The following GAB4 variants were observed in gnomAD, a reference collection of about 807,000 sequenced individuals.
GAB4 encodes GRB2 associated binding protein family member 4.
In GAB4, 26 loss-of-function variants were observed where a neutral mutation model predicts 51.3. That is an observed-to-expected ratio of 0.51 (90% CI 0.37 to 0.70). GAB4 has a LOEUF of 0.70. Ranked by LOEUF, GAB4 falls within the 30% of genes least tolerant of loss-of-function variation. The probability of loss-of-function intolerance (pLI) is 0.00; values close to 1 mark genes in which losing one functional copy is unlikely to be tolerated. For synonymous variants in GAB4, 329 were observed against 291.2 expected, an observed-to-expected ratio of 1.13 and a Z score of -1.32; for missense variants, 759 against 734.6, an observed-to-expected ratio of 1.03 and a Z score of -0.38.
At chr22:16,984,696 C>T (rs1278064629) in intron 3 of GAB4, among the ~76,000 whole-genome samples, 2 of 152,214 alleles carry the variant, frequency 1.3e-5, no homozygotes, top group Non-Finnish European at 2.9e-5. Context: ...TGTGGCAGTT[C>T]CAAGCTGTGC....
chr22:16,976,374 C>T (rs185539282), intron 3 of GAB4, among the ~76,000 whole-genome samples: 60 of 152,230 alleles, frequency 3.9e-4, no homozygotes, highest in African/African-American at 1.4e-3. Context: ...ATGAAGAATA[C>T]ACAAGTATCA....
chr22:17,006,566 T>C (rs570710130), intron 1 of GAB4, among the ~76,000 whole-genome samples: 3 of 152,362 alleles, frequency 2.0e-5, no homozygotes, highest in South Asian at 4.1e-4. Flanking sequence ...CGTATGTTTA[T>C]TGCAGCACTA....
intron 3 of GAB4, among the ~76,000 whole-genome samples, chr22:16,975,623 A>C (rs1400869837): frequency 6.6e-6 from 1 of 152,230 alleles, no homozygotes; most frequent in Non-Finnish European, 1.5e-5. Context: ...GGCTCTGAAG[A>C]AAGCAGCATA....
chr22:16,968,147 T>A (rs1429912622), intron 5 of GAB4, 151 bp downstream of exon 5: 20 of 624,486 alleles, frequency 3.2e-5, no homozygotes, highest in Non-Finnish European at 5.8e-5. Context: ...ATCCAAAAAC[T>A]GAACCTATGG....
At chr22:16,987,843 T>C (rs2060880498) in intron 3 of GAB4, 117 bp downstream of exon 3, 2 of 756,264 alleles carry the variant, frequency 2.6e-6, no homozygotes, top group East Asian at 2.8e-5. Context: ...TATGTTTGCT[T>C]ACCTGGAAAG....
rs573294492 is a variant in GAB4, at chr22:16,983,773, CCTAT to C, written c.686+4183_686+4186del. 1.5e-4 allele frequency among the ~76,000 whole-genome samples: 23 copies of C among 152,236 alleles called. No individual in the cohort carries two copies. In the East Asian group the frequency reaches 3.3e-3, roughly 22 times the overall value. On this transcript the variant is annotated intron_variant, in intron 3 of 9. Transcript: ENST00000400588. ...ATGAATGTATGAATGAAACTAGAGC[CCTAT>C]CTCTCACCCTATACAAAAATCAACT...
intron 2 of GAB4, among the ~76,000 whole-genome samples, chr22:16,989,639 AC>A (rs2060897526): frequency 6.6e-6 from 1 of 152,172 alleles, no homozygotes; most frequent in African/African-American, 2.4e-5. Flanking sequence ...TGAATGCTCT[AC>A]CAGTGGAGGA....
intron 3 of GAB4, among the ~76,000 whole-genome samples, chr22:16,987,696 C>T (rs1422435530): frequency 2.6e-5 from 4 of 152,102 alleles, no homozygotes; most frequent in African/African-American, 7.2e-5. Flanking sequence ...TTTTTCCCCA[C>T]AATCAAACAA....
Position 16,966,238 on chromosome 22 carries a change from T to G in GAB4, c.1150A>C (p.Ile384Leu). 3.1e-6 allele frequency: 5 copies of G among 1,614,000 alleles called. No individual in the cohort carries two copies. The highest frequency in any genetic ancestry group is 4.2e-6 in the Non-Finnish European group (5 of 1,180,014). Residue 384 changes from isoleucine (I) to leucine (L), a missense_variant, in exon 6 of 10, where the codon ATC (isoleucine) becomes CTC (leucine). This residue lies in a region of GAB4 where 588 missense variants were observed against 510.2 expected (regional missense o/e 1.15). Transcript: ENST00000400588. ...CGAACAAGACATGAGCCCACAGGGA[T>G]GCAGACACCCTGGGAATCATCGCCT... ...QAGDDSQGVC[I>L]PVGSCLVRFD...
chr22:16,965,259 G>A lies in GAB4; in HGVS notation c.1298C>T (p.Thr433Ile). 1 of 1,613,848 alleles carries A rather than the reference G, an allele frequency of 6.2e-7. No homozygotes were observed. Among genetic ancestry groups the A allele is most frequent in the Non-Finnish European group, 8.5e-7 (1 of 1,179,828 alleles). ...SLKPNQKANP[T>I]PPNLRNNRVI... ...CCTGTTGTTTCTCAGGTTGGGCGGT[G>A]TTGGGTTGGCTGGAGCAGGAAAAGA... is the stretch of plus-strand genomic sequence containing the variant. Residue 433 changes from threonine to isoleucine, a missense_variant, in exon 7 of 10, where the codon ACA (threonine) becomes ATA (isoleucine). Physicochemically the swap from Thr to Ile is moderately conservative, Grantham distance 89. Transcript: ENST00000400588.
At chr22:16,972,207 G>C (rs1039429646) in intron 3 of GAB4, among the ~76,000 whole-genome samples, 2 of 152,220 alleles carry the variant, frequency 1.3e-5, no homozygotes, top group Non-Finnish European at 2.9e-5. Flanking sequence ...AGCAGTGGAG[G>C]AGGTGTCACG....
intron 5 of GAB4, among the ~76,000 whole-genome samples, chr22:16,967,753 C>T (rs1472147908): frequency 1.3e-5 from 2 of 152,184 alleles, no homozygotes; most frequent in South Asian, 2.1e-4. Flanking sequence ...TGACGCCAGG[C>T]CTTGTTGCTT....
At position 17,008,057 on chromosome 22, in the gene GAB4, C is replaced by G. The variant is rs755370349; in HGVS notation, c.58G>C (p.Ala20Pro). ...CTTCCGGGCCACGAAGACAAAGGCGCAAATGCCGGGTCAGGTGGGCACAGC... is the reference window on the plus strand; with the variant it reads ...CTTCCGGGCCACGAAGACAAAGGCGGAAATGCCGGGTCAGGTGGGCACAGC... ...RELCPPDPAF[A>P]PLSSWPGSGP... The change falls in exon 1 of 10, where the codon GCG (alanine) becomes CCG (proline). Residue 20 changes from alanine (A) to proline (P), a missense_variant. Coordinates refer to ENST00000400588, the MANE Select transcript of GAB4 (RefSeq NM_001037814.1). 6.2e-7 allele frequency: 1 copy of G among 1,608,470 alleles called. No homozygotes were observed. Among genetic ancestry groups the G allele is most frequent in the Non-Finnish European group, 8.5e-7 (1 of 1,177,660 alleles).
chr22:16,985,283 GGGTCTATTCT>G (rs908178808), intron 3 of GAB4, among the ~76,000 whole-genome samples: 1 of 152,174 alleles, frequency 6.6e-6, no homozygotes, highest in Non-Finnish European at 1.5e-5. Flanking sequence ...TCCAAAATCT[GGGTCTATTCT>G]GGTCTGTTTC....
intron 2 of GAB4, among the ~76,000 whole-genome samples, chr22:16,990,905 T>C (rs557412347): frequency 2.4e-4 from 36 of 152,272 alleles, no homozygotes; most frequent in Non-Finnish European, 3.8e-4. Context: ...TTACTGACAT[T>C]CTCACGAGAA....
rs1475322383 is a variant in GAB4 at position 17,003,853 on chromosome 22, A to G, written c.174+4088T>C. Among the ~76,000 whole-genome samples, 8 of 152,248 alleles carry G rather than the reference A, an allele frequency of 5.3e-5. No individual in the cohort carries two copies. In the East Asian group the frequency reaches 1.5e-3, roughly 29 times the overall value. ...CAGAGCTAAAGGAGATAGAGACACA[A>G]AAAAACCCTTCAAAAAATCAGTAAG... On this transcript the variant is annotated intron_variant, in intron 1 of 9. Transcript: ENST00000400588.
At chr22:16,975,374 AGT>A (rs2060768879) in intron 3 of GAB4, among the ~76,000 whole-genome samples, 1 of 152,206 alleles carries the variant, frequency 6.6e-6, no homozygotes, top group Non-Finnish European at 1.5e-5. Flanking sequence ...TTCCCCTCAT[AGT>A]GTAAACAAAC....
At chr22:17,000,317 G>A (rs1162074627) in intron 1 of GAB4, among the ~76,000 whole-genome samples, 1 of 152,186 alleles carries the variant, frequency 6.6e-6, no homozygotes, top group East Asian at 1.9e-4. Context: ...TTATGAATCT[G>A]GGTGCTCCTG....
At chr22:16,988,208 G>A in intron 2 of GAB4, 41 bp from the exon 3 acceptor site, 3 of 1,421,558 alleles carry the variant, frequency 2.1e-6, no homozygotes, top group Non-Finnish European at 3.0e-6. Context: ...TTGTCCTAAA[G>A]TGGGCTGCTA....
Sources: allele counts gnomAD v4.1 joint callset (sites outside exome capture counted in the v4.1 genomes callset), GRCh38; gene constraint gnomAD v4.1.1; regional missense constraint gnomAD v4.1.1; transcripts MANE v1.5; gene names NCBI Gene and HGNC (gene_info 2026-07-23, HGNC 2026-07-21).